INTS13: variants seen among roughly 807,000 people sequenced by gnomAD.
INTS13 encodes asunder, spermatogenesis regulator homolog (Drosphila).
Under a neutral mutation model 90.2 loss-of-function variants are expected in INTS13, and 35 were observed. The observed-to-expected ratio is 0.39, with a 90% CI of 0.30 to 0.51. INTS13 has a LOEUF of 0.51. INTS13 is among the 20% of genes least tolerant of loss of function. The pLI is 0.80. For missense variants in INTS13, 601 were observed against 851.2 expected (o/e 0.71, Z 3.66); for synonymous variants, 309 against 277.1 (o/e 1.11, Z -1.14).
At chr12:26,916,914 A>T (rs751645248) in intron 10 of INTS13, among the ~76,000 whole-genome samples, 2 of 152,200 alleles carry the variant, frequency 1.3e-5, no homozygotes, top group Non-Finnish European at 2.9e-5. Context: ...TCATGTTCAA[A>T]TATAAGTAAG....
rs10219642 is a variant in INTS13 at position 26,922,527 on chromosome 12, T to C, written c.889+89A>G. ...GATTTCAGGCATCCACTGGGGGTCT[T>C]GGAATGTCTTCCCTGAGGATGTGGG... is the stretch of plus-strand genomic sequence containing the variant. On this transcript the variant is annotated intron_variant, in intron 8 of 16. Transcript: ENST00000261191. 5.9e-4 allele frequency: 557 copies of C among 945,606 alleles called. No homozygotes were observed. In the African/African-American group the frequency reaches 8.0e-3, roughly 14 times the overall value. The allele number at this position is 945,606 out of a possible 1,614,324, so 58.6% of individuals were successfully genotyped here. A position where few individuals can be genotyped will look rare whatever the true frequency, so the allele number is the denominator to read the frequency against.
intron 15 of INTS13, among the ~76,000 whole-genome samples, chr12:26,907,060 CA>C (rs1246130089): frequency 3.3e-5 from 5 of 152,208 alleles, no homozygotes; most frequent in African/African-American, 7.2e-5. Flanking sequence ...AGCCAACAGC[CA>C]AACCTGCAAG....
At chr12:26,929,761 A>C (rs905957965) in intron 3 of INTS13, among the ~76,000 whole-genome samples, 4 of 151,078 alleles carry the variant, frequency 2.6e-5, no homozygotes, top group African/African-American at 9.7e-5. Context: ...GAAAGAAAGG[A>C]AGGAAGGAGA....
At chr12:26,909,472 CTTT>C (rs756908915) in intron 15 of INTS13, among the ~76,000 whole-genome samples, 30 of 127,052 alleles carry the variant, frequency 2.4e-4, no homozygotes, top group Admixed American at 5.4e-4. Context: ...AGATAATACT[CTTT>C]TTTTTTTTTT....
In INTS13 at chr12:26,924,390, A is replaced by T. The variant is rs148903036; in HGVS notation, c.769T>A (p.Leu257Met). The T allele has an allele frequency of 6.2e-7, 1 of 1,613,054 alleles. No homozygotes were observed. The highest frequency in any genetic ancestry group is 8.5e-7 in the Non-Finnish European group (1 of 1,179,452). The change falls in exon 7 of 17, where the codon TTG becomes ATG. Residue 257 changes from leucine (L) to methionine (M), a missense_variant. Transcript: ENST00000261191. ...LNILVQQHFDLASTTITNIPM... is the reference protein window; with the variant it reads ...LNILVQQHFDMASTTITNIPM... ...ATATTTGTAATAGTAGTTGAAGCCAAGTCAAAATGTTGCTGTACTAAAATA... is the reference window on the plus strand; with the variant it reads ...ATATTTGTAATAGTAGTTGAAGCCATGTCAAAATGTTGCTGTACTAAAATA...
chr12:26,922,286 A>G (rs941053793), intron 8 of INTS13, among the ~76,000 whole-genome samples: 2 of 152,234 alleles, frequency 1.3e-5, no homozygotes, highest in Non-Finnish European at 2.9e-5. Flanking sequence ...CCCAAAAACG[A>G]TGAGTACAGT....
Position 26,923,011 on chromosome 12 carries a change from T to C in INTS13, c.805-311A>G, listed in dbSNP as rs533369043. 2.1e-3 allele frequency among the ~76,000 whole-genome samples: 326 copies of C among 152,276 alleles called. 1 individual carries two copies. Among genetic ancestry groups the C allele is most frequent in the African/African-American group, 7.7e-3 (319 of 41,582 alleles). On this transcript the variant is annotated intron_variant, in intron 7 of 16. Transcript: ENST00000261191. ...CCAAATGCAGTCTTGCCAATATTTT[T>C]AATATACAAATATAATGTAATTGAA... is the stretch of plus-strand genomic sequence containing the variant.
chr12:26,922,518 T>C, intron 8 of INTS13, 98 bp downstream of exon 8: 1 of 812,722 alleles, frequency 1.2e-6, no homozygotes, highest in Non-Finnish European at 1.9e-6. Context: ...AGGCATCCAC[T>C]GGGGGTCTTG....
chr12:26,926,479 C>T (rs1265491329), intron 5 of INTS13, among the ~76,000 whole-genome samples: 1 of 152,206 alleles, frequency 6.6e-6, no homozygotes, highest in Non-Finnish European at 1.5e-5. Context: ...CTGAACACTT[C>T]AGCCTGCTTC....
intron 3 of INTS13, among the ~76,000 whole-genome samples, chr12:26,932,139 C>A (rs1216725321): frequency 2.0e-5 from 3 of 149,856 alleles, no homozygotes; most frequent in Non-Finnish European, 4.4e-5. Context: ...CATAAACCCA[C>A]AAGCGTGAAG....
rs772774103 is a variant in INTS13, at chr12:26,917,467, G to A, written c.980-26C>T. On this transcript the variant is annotated intron_variant, in intron 9 of 16. Transcript: ENST00000261191. ...CTGAAATAGAAGAAAACACTGATTT[G>A]AAAGAATATAAAGAAATATTCCCAC... 3 of 1,341,048 alleles carry A rather than the reference G, an allele frequency of 2.2e-6. No homozygotes were observed. In the South Asian group the frequency reaches 3.8e-5, roughly 17 times the overall value. The allele number at this position is 1,341,048 out of a possible 1,614,324, so 83.1% of individuals were successfully genotyped here. A position where few individuals can be genotyped will look rare whatever the true frequency, so the allele number is the denominator to read the frequency against.
chr12:26,908,495 CT>C (rs539332939), intron 15 of INTS13, among the ~76,000 whole-genome samples: 1 of 151,258 alleles, frequency 6.6e-6, no homozygotes, highest in Non-Finnish European at 1.5e-5. Context: ...AAATTTTAGT[CT>C]TTTTTTCAGT....
At chr12:26,913,941 G>C (rs1478562133) in intron 13 of INTS13, 33 bp downstream of exon 13, 1 of 1,567,316 alleles carries the variant, frequency 6.4e-7, no homozygotes, top group South Asian at 1.2e-5. Context: ...AAGTAAATGT[G>C]ATCTATAAAG....
At chr12:26,906,881 T>C (rs943917717) in intron 15 of INTS13, among the ~76,000 whole-genome samples, 4 of 152,206 alleles carry the variant, frequency 2.6e-5, no homozygotes, top group Non-Finnish European at 4.4e-5. Flanking sequence ...GTGCACAATA[T>C]TTCTGCCAGT....
intron 11 of INTS13, among the ~76,000 whole-genome samples, chr12:26,915,645 A>G (rs1441289112): frequency 6.6e-6 from 1 of 152,198 alleles, no homozygotes; most frequent in Non-Finnish European, 1.5e-5. Context: ...ACAAAAGTTT[A>G]TGTTATTTCT....
chr12:26,928,051 G>C, intron 5 of INTS13, among the ~76,000 whole-genome samples, 154 bp downstream of exon 5: 1 of 151,884 alleles, frequency 6.6e-6, no homozygotes, highest in African/African-American at 2.4e-5. Context: ...AGGGAAAATG[G>C]AAAAAAAAGT....
intron 8 of INTS13, chr12:26,919,021 C>A: frequency 2.6e-6 from 1 of 385,732 alleles, no homozygotes; most frequent in South Asian, 1.9e-5. Flanking sequence ...CAAAAATTAG[C>A]CAGGCTTCGT....
chr12:26,936,847 TG>T, intron 1 of INTS13, 33 bp from the exon 2 acceptor site: 1 of 1,367,990 alleles, frequency 7.3e-7, no homozygotes, highest in Non-Finnish European at 1.0e-6. Flanking sequence ...GCCAAATATT[TG>T]TACATAACAT....
intron 8 of INTS13, among the ~76,000 whole-genome samples, chr12:26,918,813 CAGG>C (rs1002187603): frequency 2.0e-5 from 3 of 152,212 alleles, no homozygotes; most frequent in East Asian, 1.9e-4. Flanking sequence ...TCCAAAACAC[CAGG>C]AGAAGTTTCC....
Sources: allele counts gnomAD v4.1 joint callset (sites outside exome capture counted in the v4.1 genomes callset), GRCh38; gene constraint gnomAD v4.1.1; transcripts MANE v1.5; gene names NCBI Gene and HGNC (gene_info 2026-07-23, HGNC 2026-07-21).